UBR3: variants seen among roughly 807,000 people sequenced by gnomAD.
The protein encoded by UBR3 is ubiquitin protein ligase E3 component n-recognin 3, also known as E3 ubiquitin-protein ligase UBR3.
UBR3 carries 85 observed loss-of-function variants against 243.2 expected under a neutral mutation model. The observed-to-expected ratio is 0.35, with a 90% confidence interval of 0.29 to 0.42. The LOEUF (loss-of-function observed/expected upper bound fraction) is 0.42. UBR3 is among the 10% of genes least tolerant of loss of function. UBR3 has a pLI of 1.00. For missense variants in UBR3, 1,686 were observed against 2,300.8 expected, an observed-to-expected ratio of 0.73 and a Z score of 5.47; for synonymous variants, 748 against 799.8, an observed-to-expected ratio of 0.94 and a Z score of 1.09.
intron 19 of UBR3, among the ~76,000 whole-genome samples, chr2:169,941,780 A>C (rs2086600990): frequency 6.6e-6 from 1 of 152,240 alleles, no homozygotes; most frequent in South Asian, 2.1e-4. Context: ...CCTGAAGATA[A>C]GAGGGGACTA....
chr2:169,845,765 G>A (rs897277767), intron 1 of UBR3, among the ~76,000 whole-genome samples: 10 of 151,768 alleles, frequency 6.6e-5, no homozygotes, highest in Non-Finnish European at 1.2e-4. Flanking sequence ...TGTATTTTTA[G>A]TAGAGACAGG....
intron 36 of UBR3, chr2:170,078,133 G>C: frequency 3.3e-6 from 2 of 607,886 alleles, no homozygotes; most frequent in Non-Finnish European, 6.2e-6. Context: ...TCTCAGCATG[G>C]TGCTGTTTAA....
chr2:169,834,747 TC>T (rs2082031663), intron 1 of UBR3, among the ~76,000 whole-genome samples: 1 of 152,210 alleles, frequency 6.6e-6, no homozygotes, highest in African/African-American at 2.4e-5. Context: ...AGATGTGAAC[TC>T]TAAAACATAA....
At chr2:169,854,996 C>T (rs1308317127) in intron 1 of UBR3, among the ~76,000 whole-genome samples, 3 of 152,110 alleles carry the variant, frequency 2.0e-5, no homozygotes, top group African/African-American at 7.2e-5. Flanking sequence ...TTTTTTGAGT[C>T]AGTGCTGATT....
chr2:170,013,079 G>A (rs2090132051), intron 29 of UBR3, among the ~76,000 whole-genome samples: 4 of 152,014 alleles, frequency 2.6e-5, no homozygotes. Flanking sequence ...ATATAGAAAA[G>A]AGTCTGCTTT....
At chr2:169,842,430 C>T (rs2082328353) in intron 1 of UBR3, among the ~76,000 whole-genome samples, 1 of 152,132 alleles carries the variant, frequency 6.6e-6, no homozygotes, top group Non-Finnish European at 1.5e-5. Context: ...AGCAGGCTGC[C>T]CTAGCCAGCA....
At chr2:169,879,758 A>G (rs1275019198) in intron 5 of UBR3, among the ~76,000 whole-genome samples, 3 of 152,240 alleles carry the variant, frequency 2.0e-5, no homozygotes, top group Admixed American at 1.3e-4. Context: ...GTTAAATAAA[A>G]TAGAGTAATT....
At position 169,911,706 on chromosome 2, in the gene UBR3, G is replaced by C. The variant is rs531154378; in HGVS notation, c.1780-2354G>C. 2.0e-5 allele frequency among the ~76,000 whole-genome samples: 3 copies of C among 152,056 alleles called. No individual in the cohort carries two copies. The East Asian group carries it at 5.8e-4, about 29-fold the overall frequency. ...AAGGGTGGTACCAGTTTACACTTGC[G>C]CTAAGAGCATGTAATGGTACCTCAT... On this transcript the variant is annotated intron_variant, in intron 10 of 38. Transcript: ENST00000272793.
rs146177068 is a variant in UBR3, at chr2:170,057,096, T to C, written c.4785+1512T>C. On this transcript the variant is annotated intron_variant, in intron 33 of 38. Transcript: ENST00000272793. ...GTTAATTCTTGGACAGTTTTTCTTTTTGTAATTATCTTTAGTTTTTTCTTT... is the reference window on the plus strand; with the variant it reads ...GTTAATTCTTGGACAGTTTTTCTTTCTGTAATTATCTTTAGTTTTTTCTTT... Among the ~76,000 whole-genome samples, 578 of 150,284 alleles carry C rather than the reference T, an allele frequency of 3.8e-3. 5 individuals are homozygous for C. The highest frequency in any genetic ancestry group is 0.013 in the African/African-American group (549 of 41,192).
Position 170,081,765 on chromosome 2 carries a change from A to T in UBR3, c.5589A>T (p.Lys1863Asn), listed in dbSNP as rs2091911965. 1 of 1,609,160 alleles carries T rather than the reference A, an allele frequency of 6.2e-7. No individual in the cohort carries two copies. ...KPLYICKERY[K>N]VLEQQWISHT... The stretch of plus-strand genomic sequence containing the variant: ...TCTACATTTGTAAGGAAAGATACAA[A>T]GTTCTTGAGCAACAGTGGATTTCTC... The change falls in exon 39 of 39, where the codon AAA becomes AAT. Residue 1863 changes from lysine (K) to asparagine (N), a missense_variant. Lys to Asn is a moderately conservative substitution (Grantham distance 94, BLOSUM62 0). Transcript: ENST00000272793.
intron 30 of UBR3, among the ~76,000 whole-genome samples, chr2:170,024,043 T>C (rs1198148793): frequency 6.6e-6 from 1 of 152,170 alleles, no homozygotes; most frequent in Non-Finnish European, 1.5e-5. Flanking sequence ...TATATCTTAA[T>C]GATCAGTATG....
chr2:169,942,265 T>A (rs2086622530), intron 19 of UBR3, among the ~76,000 whole-genome samples: 1 of 152,206 alleles, frequency 6.6e-6, no homozygotes, highest in Non-Finnish European at 1.5e-5. Context: ...AGTTTATATA[T>A]TTTTTAATTT....
chr2:169,950,913 CTAA>C (rs1391799135), intron 23 of UBR3, among the ~76,000 whole-genome samples: 2 of 151,648 alleles, frequency 1.3e-5, no homozygotes, highest in Non-Finnish European at 2.9e-5. Context: ...AGCATGCCTT[CTAA>C]TGAGTGTACA....
intron 35 of UBR3, among the ~76,000 whole-genome samples, chr2:170,071,599 T>C (rs534235727): frequency 1.2e-4 from 18 of 152,310 alleles, no homozygotes; most frequent in Non-Finnish European, 2.1e-4. Flanking sequence ...AATGTTATGG[T>C]ATGTGGATTT....
At chr2:169,902,663 G>T (rs2084874286) in intron 8 of UBR3, among the ~76,000 whole-genome samples, 1 of 150,236 alleles carries the variant, frequency 6.7e-6, no homozygotes, top group Non-Finnish European at 1.5e-5. Flanking sequence ...AGGCTGGAGT[G>T]CAGTGGCACA....
intron 29 of UBR3, among the ~76,000 whole-genome samples, chr2:170,011,626 C>CTTTTTTTTTTTTTTTTTTTTT (rs35877456): frequency 8.1e-6 from 1 of 123,286 alleles, no homozygotes; most frequent in Non-Finnish European, 1.7e-5. Flanking sequence ...TACAGCTTTT[C>CTTTTTTTTTTTTTTTTTTTTT]TTTTTTTTTT....
chr2:169,899,732 T>G lies in UBR3; in HGVS notation c.1465+2997T>G, dbSNP rs569876358. On this transcript the variant is annotated intron_variant, in intron 8 of 38. Coordinates refer to ENST00000272793, the MANE Select transcript of UBR3 (RefSeq NM_172070.4). ...GTTCTCATTGTTCAACTCCCACTTATGAGTGAAAACATGCGGTGTTTGGTT... is the reference window on the plus strand; with the variant it reads ...GTTCTCATTGTTCAACTCCCACTTAGGAGTGAAAACATGCGGTGTTTGGTT... Among the ~76,000 whole-genome samples, 169 of 152,292 alleles carry G rather than the reference T, an allele frequency of 1.1e-3. 2 individuals carry two copies. Among genetic ancestry groups the G allele is most frequent in the Admixed American group, 0.01 (156 of 15,296 alleles).
At chr2:170,065,934 A>AC (rs1316988779) in intron 35 of UBR3, among the ~76,000 whole-genome samples, 1 of 147,092 alleles carries the variant, frequency 6.8e-6, no homozygotes, top group Non-Finnish European at 1.5e-5. Flanking sequence ...GCCCTACCCC[A>AC]CCCCCCGCAA....
chr2:169,856,041 G>A (rs1299800399), intron 1 of UBR3, among the ~76,000 whole-genome samples: 11 of 151,976 alleles, frequency 7.2e-5, no homozygotes, highest in African/African-American at 2.2e-4. Context: ...CAGACGGGGC[G>A]GCTGCTGGGC....
Sources: gnomAD v4.1 joint callset for allele counts (sites outside exome capture counted in the v4.1 genomes callset) on GRCh38, gnomAD v4.1.1 for gene constraint, MANE v1.5 for transcripts, NCBI Gene and HGNC (gene_info 2026-07-23, HGNC 2026-07-21) for gene names.